ARHGAP24: variants seen among roughly 807,000 people sequenced by gnomAD.
ARHGAP24 encodes rho GTPase-activating protein 24.
ARHGAP24 carries 50 observed loss-of-function variants against 76.4 expected under a neutral mutation model. That is an observed-to-expected ratio of 0.65 (90% CI 0.52 to 0.83). The LOEUF is 0.83. Ranked by LOEUF, ARHGAP24 falls within the 40% of genes least tolerant of loss-of-function variation. The pLI is 0.00. For synonymous variants in ARHGAP24, 345 were observed against 323.3 expected, an observed-to-expected ratio of 1.07 and a Z score of -0.72; for missense variants, 930 against 914.2, an observed-to-expected ratio of 1.02 and a Z score of -0.22.
chr4:85,875,690 AAAT>A (rs1273481653), intron 3 of ARHGAP24, among the ~76,000 whole-genome samples: 65 of 133,160 alleles, frequency 4.9e-4, no homozygotes, highest in African/African-American at 1.6e-3. Context: ...TAAATATTAA[AAAT>A]AATATTTATA....
chr4:85,810,059 C>T (rs763371942), intron 3 of ARHGAP24, among the ~76,000 whole-genome samples: 3 of 152,030 alleles, frequency 2.0e-5, no homozygotes, highest in East Asian at 3.9e-4. Context: ...TCAAGGCTGT[C>T]GAGAGGATAA....
intron 8 of ARHGAP24, among the ~76,000 whole-genome samples, chr4:85,988,645 G>C (rs1165753318): frequency 6.6e-6 from 1 of 151,064 alleles, no homozygotes; most frequent in Non-Finnish European, 1.5e-5. Flanking sequence ...AAAAATAAAA[G>C]AGGAGCAATT....
intron 2 of ARHGAP24, among the ~76,000 whole-genome samples, chr4:85,679,536 G>C (rs892148790): frequency 2.0e-5 from 3 of 152,088 alleles, no homozygotes; most frequent in African/African-American, 7.2e-5. Flanking sequence ...TAATGTCCCT[G>C]GTCTTACTGG....
chr4:85,662,675 A>C (rs1722445993), intron 2 of ARHGAP24, among the ~76,000 whole-genome samples: 1 of 151,982 alleles, frequency 6.6e-6, no homozygotes, highest in African/African-American at 2.4e-5. Context: ...TCTTTAATCC[A>C]TCTTGAATTA....
intron 3 of ARHGAP24, among the ~76,000 whole-genome samples, chr4:85,778,259 A>C (rs1245774946): frequency 2.6e-5 from 4 of 152,214 alleles, no homozygotes; most frequent in Non-Finnish European, 4.4e-5. Context: ...TTAAAGGGAA[A>C]GTTTCAATAT....
At chr4:85,699,506 G>A (rs1392907197) in intron 2 of ARHGAP24, among the ~76,000 whole-genome samples, 1 of 152,156 alleles carries the variant, frequency 6.6e-6, no homozygotes, top group Non-Finnish European at 1.5e-5. Flanking sequence ...GGAGGCTGAT[G>A]TGGGAGGATC....
chr4:85,912,558 T>C (rs1337740484), intron 3 of ARHGAP24, among the ~76,000 whole-genome samples: 2 of 152,232 alleles, frequency 1.3e-5, no homozygotes, highest in East Asian at 1.9e-4. Context: ...TGTGCTATCA[T>C]AGTATTTTAT....
At chr4:85,494,457 C>T (rs1024544445) in intron 1 of ARHGAP24, among the ~76,000 whole-genome samples, 5 of 151,694 alleles carry the variant, frequency 3.3e-5, no homozygotes, top group East Asian at 1.9e-4. Context: ...TTGGCCAAGG[C>T]GGGTGGAACA....
At chr4:85,845,943 T>C (rs1241951831) in intron 3 of ARHGAP24, among the ~76,000 whole-genome samples, 1 of 152,180 alleles carries the variant, frequency 6.6e-6, no homozygotes, top group African/African-American at 2.4e-5. Flanking sequence ...TTTGCTCTTA[T>C]TGTCCAGGCT....
chr4:85,561,313 C>T (rs1351936189), intron 1 of ARHGAP24, among the ~76,000 whole-genome samples: 2 of 152,138 alleles, frequency 1.3e-5, no homozygotes, highest in African/African-American at 2.4e-5. Context: ...TTAAGAAATC[C>T]AATTGCTTCC....
intron 3 of ARHGAP24, among the ~76,000 whole-genome samples, chr4:85,795,664 A>T (rs28544562): frequency 0.26 from 39,410 of 151,874 alleles, 5,409 homozygotes; most frequent in African/African-American, 0.3. Context: ...TTATTTTGTA[A>T]TTTTAACATG....
At chr4:85,561,131 A>G (rs1313060987) in intron 1 of ARHGAP24, among the ~76,000 whole-genome samples, 1 of 152,212 alleles carries the variant, frequency 6.6e-6, no homozygotes, top group African/African-American at 2.4e-5. Context: ...CAAGGTCTAC[A>G]TGTGATAAGG....
chr4:85,584,805 G>A (rs1456869948), intron 2 of ARHGAP24, among the ~76,000 whole-genome samples: 1 of 152,072 alleles, frequency 6.6e-6, no homozygotes, highest in African/African-American at 2.4e-5. Flanking sequence ...TAATAAATAA[G>A]AATACAGCTT....
intron 3 of ARHGAP24, among the ~76,000 whole-genome samples, chr4:85,784,835 T>C (rs115920104): frequency 2.2e-4 from 33 of 152,156 alleles, no homozygotes; most frequent in Middle Eastern, 6.8e-3. Flanking sequence ...TAGCCTACTG[T>C]CCCCGCCCCA....
At chr4:85,553,647 A>C (rs1171565117) in intron 1 of ARHGAP24, among the ~76,000 whole-genome samples, 1 of 152,214 alleles carries the variant, frequency 6.6e-6, no homozygotes, top group Non-Finnish European at 1.5e-5. Flanking sequence ...TCCTTTGGCT[A>C]GACAGAAAAG....
At chr4:85,811,645 A>G (rs1490057482) in intron 3 of ARHGAP24, among the ~76,000 whole-genome samples, 2 of 152,236 alleles carry the variant, frequency 1.3e-5, no homozygotes. Context: ...TATAATGAAG[A>G]TACAATCCCA....
chr4:85,918,290 CAT>C (rs1719756879), intron 3 of ARHGAP24, among the ~76,000 whole-genome samples: 1 of 151,718 alleles, frequency 6.6e-6, no homozygotes. Flanking sequence ...AATAAAAACT[CAT>C]ATTAATAAAC....
At chr4:85,832,544 A>G (rs951103423) in intron 3 of ARHGAP24, among the ~76,000 whole-genome samples, 2 of 152,328 alleles carry the variant, frequency 1.3e-5, no homozygotes, top group African/African-American at 4.8e-5. Flanking sequence ...ACTACTTAGT[A>G]TCATTTTGCC....
chr4:85,593,847 T>C (rs1728212359), intron 2 of ARHGAP24, among the ~76,000 whole-genome samples: 1 of 152,178 alleles, frequency 6.6e-6, no homozygotes, highest in South Asian at 2.1e-4. Context: ...GCTCTCTTAG[T>C]TACAATAGCT....
Sources: gnomAD v4.1 joint callset for allele counts (sites outside exome capture counted in the v4.1 genomes callset) on GRCh38, gnomAD v4.1.1 for gene constraint, MANE v1.5 for transcripts, NCBI Gene and HGNC (gene_info 2026-07-23, HGNC 2026-07-21) for gene names.